Variants in TMEM242 observed in about 807,000 individuals in gnomAD.
TMEM242 encodes transmembrane protein 242, also known as UPF0463 transmembrane protein C6orf35.
TMEM242 carries 10 observed loss-of-function variants against 18.2 expected under a neutral mutation model. The observed-to-expected ratio is 0.55, with a 90% CI of 0.34 to 0.93. The LOEUF is 0.93. Ranked by LOEUF, TMEM242 falls within the 40% of genes least tolerant of loss-of-function variation. The pLI, the probability that TMEM242 is intolerant of heterozygous loss-of-function variation, is 0.02. For missense variants in TMEM242, 186 were observed against 175.5 expected, an observed-to-expected ratio of 1.06 and a Z score of -0.34; for synonymous variants, 57 against 69.9, an observed-to-expected ratio of 0.81 and a Z score of 0.92.
chr6:157,311,037 C>T (rs1554248577), intron 3 of TMEM242, among the ~76,000 whole-genome samples: 22 of 127,954 alleles, frequency 1.7e-4, no homozygotes, highest in South Asian at 5.3e-4. Context: ...TCATAGTGTC[C>T]CAGTGTGCGC....
chr6:157,307,005 G>A (rs1183183812), intron 3 of TMEM242, among the ~76,000 whole-genome samples: 11 of 152,034 alleles, frequency 7.2e-5, no homozygotes, highest in South Asian at 6.2e-4. Flanking sequence ...CTGATATACC[G>A]GTAAGTGAAT....
rs1777683105 is a variant in TMEM242, at chr6:157,291,438, G to A, written c.*1463C>T. On this transcript the variant is annotated 3_prime_UTR_variant, in exon 4 of 4. Coordinates refer to ENST00000400788, the MANE Select transcript of TMEM242 (RefSeq NM_018452.6). ...TTCTATTCAGAGGAACCTAGATTCA[G>A]ACTAATTGTATGGACGAAAACCTGT... The A allele has an allele frequency of 6.6e-6, 1 of 152,222 alleles. No individual in the cohort carries two copies. The allele number at this position is 152,222 out of a possible 1,614,324, so 9.4% of individuals were successfully genotyped here. A position where few individuals can be genotyped will look rare whatever the true frequency, so the allele number is the denominator to read the frequency against.
At chr6:157,313,744 A>C (rs1367114525) in intron 3 of TMEM242, among the ~76,000 whole-genome samples, 1 of 121,756 alleles carries the variant, frequency 8.2e-6, no homozygotes, top group Non-Finnish European at 1.7e-5. Flanking sequence ...GCCTCATCAC[A>C]GTGACCCACT....
At position 157,297,296 on chromosome 6, in the gene TMEM242, A is replaced by G. The variant is rs372541658; in HGVS notation, c.328-4297T>C. Among the ~76,000 whole-genome samples the G allele has an allele frequency of 1.1e-4, 16 of 152,330 alleles. No homozygotes were observed. In the South Asian group the frequency reaches 2.7e-3, roughly 26 times the overall value. ...ATATGCACAGGGGACACTGCTGCACATTTACCATGCATGTCTTGGTAGGGG... is the reference window on the plus strand; with the variant it reads ...ATATGCACAGGGGACACTGCTGCACGTTTACCATGCATGTCTTGGTAGGGG... On this transcript the variant is annotated intron_variant, in intron 3 of 3. Transcript: ENST00000400788.
chr6:157,320,090 A>G (rs1175566323), intron 2 of TMEM242, among the ~76,000 whole-genome samples: 4 of 152,246 alleles, frequency 2.6e-5, no homozygotes, highest in Non-Finnish European at 5.9e-5. Flanking sequence ...TGCTCAGTAT[A>G]AACGCATTAA....
At chr6:157,322,378 CT>C (rs1262911516) in intron 2 of TMEM242, among the ~76,000 whole-genome samples, 1 of 152,110 alleles carries the variant, frequency 6.6e-6, no homozygotes, top group Non-Finnish European at 1.5e-5. Context: ...TGATCTGCCC[CT>C]CTCGGCTTCC....
chr6:157,292,818 C>T lies in TMEM242; in HGVS notation c.*83G>A. On this transcript the variant is annotated 3_prime_UTR_variant, in exon 4 of 4. Transcript: ENST00000400788. ...ATCTGCCCATGTTCCTGGGAGAAATCAGTCCCAGTCCTTTTGCTGTCATGG... is the reference window on the plus strand; with the variant it reads ...ATCTGCCCATGTTCCTGGGAGAAATTAGTCCCAGTCCTTTTGCTGTCATGG... 1 of 1,075,118 alleles carries T rather than the reference C, an allele frequency of 9.3e-7. No homozygotes were observed. The highest frequency in any genetic ancestry group is 2.4e-5 in the East Asian group (1 of 41,992). The allele number at this position is 1,075,118 out of a possible 1,614,324, so 66.6% of individuals were successfully genotyped here. A position where few individuals can be genotyped will look rare whatever the true frequency, so the allele number is the denominator to read the frequency against.
At chr6:157,308,113 T>C (rs1777940808) in intron 3 of TMEM242, among the ~76,000 whole-genome samples, 1 of 152,234 alleles carries the variant, frequency 6.6e-6, no homozygotes, top group African/African-American at 2.4e-5. Flanking sequence ...TTAAAGTCTA[T>C]TTCCCTCCTT....
At chr6:157,307,733 C>G (rs1351728950) in intron 3 of TMEM242, among the ~76,000 whole-genome samples, 1 of 152,162 alleles carries the variant, frequency 6.6e-6, no homozygotes, top group East Asian at 1.9e-4. Flanking sequence ...AAAAATGATT[C>G]CAGGAAAATA....
chr6:157,313,462 G>A (rs1554249778), intron 3 of TMEM242, among the ~76,000 whole-genome samples: 1 of 143,742 alleles, frequency 7.0e-6, no homozygotes, highest in South Asian at 2.2e-4. Flanking sequence ...CGCTCACCTG[G>A]CCTCATCATA....
At chr6:157,313,088 G>T (rs71191618) in intron 3 of TMEM242, among the ~76,000 whole-genome samples, 9 of 1,268 alleles carry the variant, frequency 7.1e-3, no homozygotes, top group Non-Finnish European at 9.9e-3. Flanking sequence ...GCACTCACCT[G>T]GCCTCATCAA....
rs1376989046 is a variant in TMEM242, at chr6:157,291,512, C to G, written c.*1389G>C. 2 of 152,218 alleles carry G rather than the reference C, an allele frequency of 1.3e-5. No homozygotes were observed. Among genetic ancestry groups the G allele is most frequent in the African/African-American group, 4.8e-5 (2 of 41,452 alleles). The allele number at this position is 152,218 out of a possible 1,614,324, so 9.4% of individuals were successfully genotyped here. A position where few individuals can be genotyped will look rare whatever the true frequency, so the allele number is the denominator to read the frequency against. ...CCTTTCATTCAAAGCCTACAGATCT[C>G]TTCTCAGAGGAGATTTAGTTACAAA... On this transcript the variant is annotated 3_prime_UTR_variant, in exon 4 of 4. Transcript: ENST00000400788.
chr6:157,305,995 T>C lies in TMEM242; in HGVS notation c.327+12787A>G, dbSNP rs587654721. Among the ~76,000 whole-genome samples the C allele has an allele frequency of 6.6e-6, 1 of 152,230 alleles. No individual in the cohort carries two copies. Among genetic ancestry groups the C allele is most frequent in the Admixed American group, 6.5e-5 (1 of 15,296 alleles). ...CTGGTAGCTGGAGGAGGCTAAGGAATATCTAGAGAGAACCTCTAGAGGTGG... is the reference window on the plus strand; with the variant it reads ...CTGGTAGCTGGAGGAGGCTAAGGAACATCTAGAGAGAACCTCTAGAGGTGG... On this transcript the variant is annotated intron_variant, in intron 3 of 3. Transcript: ENST00000400788. This position sits in a 1 kb window ranked among gnomAD's most constrained non-coding sequence, Gnocchi z 4.1.
chr6:157,293,024 A>T (rs782461863), intron 3 of TMEM242, 25 bp from the exon 4 acceptor site: 2 of 1,571,406 alleles, frequency 1.3e-6, no homozygotes, highest in African/African-American at 2.7e-5. Context: ...ATAATCAGTT[A>T]TCAAATGTTA....
intron 3 of TMEM242, among the ~76,000 whole-genome samples, chr6:157,310,453 G>C (rs1029560955): frequency 6.6e-6 from 1 of 151,910 alleles, no homozygotes; most frequent in Non-Finnish European, 1.5e-5. Context: ...CACTCACCTA[G>C]CCTCATCACA....
intron 3 of TMEM242, among the ~76,000 whole-genome samples, chr6:157,300,975 T>TATTTGTTCAGC (rs1777821824): frequency 6.6e-6 from 1 of 152,236 alleles, no homozygotes; most frequent in Admixed American, 6.5e-5. Flanking sequence ...CAGTATGCCT[T>TATTTGTTCAGC]ATTTCTTCAG....
intron 3 of TMEM242, among the ~76,000 whole-genome samples, chr6:157,309,824 T>C (rs1777969441): frequency 6.8e-6 from 1 of 147,372 alleles, no homozygotes; most frequent in South Asian, 2.2e-4. Flanking sequence ...TTTTCACTGA[T>C]GGTTTTTTAT....
intron 3 of TMEM242, among the ~76,000 whole-genome samples, chr6:157,307,916 G>T (rs1018794541): frequency 1.3e-5 from 2 of 152,178 alleles, no homozygotes; most frequent in African/African-American, 2.4e-5. Context: ...GCTTCCTGGG[G>T]GCAGAAGCTG....
At chr6:157,310,467 CCCCAGTGTGT>C (rs1777992847) in intron 3 of TMEM242, among the ~76,000 whole-genome samples, 1 of 2,780 alleles carries the variant, frequency 3.6e-4, no homozygotes, top group African/African-American at 1.3e-3. Flanking sequence ...CATCACAGTG[CCCCAGTGTGT>C]GCTCACCTAG....
Sources: allele counts gnomAD v4.1 joint callset (sites outside exome capture counted in the v4.1 genomes callset), GRCh38; gene constraint gnomAD v4.1.1; non-coding constraint Gnocchi (gnomAD v3.1); transcripts MANE v1.5; gene names NCBI Gene and HGNC (gene_info 2026-07-23, HGNC 2026-07-21).